The following FRMPD1 variants were observed in gnomAD, a reference collection of about 807,000 sequenced individuals.
FRMPD1 encodes FERM and PDZ domain-containing protein 1.
A neutral mutation model predicts 117.8 loss-of-function variants in FRMPD1; 76 were observed. That is an observed-to-expected ratio of 0.65 (90% CI 0.54 to 0.78). The LOEUF (loss-of-function observed/expected upper bound fraction) is 0.78, where lower values mean the gene tolerates loss of function less well. Among genes scored for constraint, FRMPD1 ranks in the 30% least tolerant of loss-of-function variants. The pLI, the probability that FRMPD1 is intolerant of heterozygous loss-of-function variation, is 0.00. For synonymous variants in FRMPD1, 783 were observed against 770.4 expected (o/e 1.02, Z -0.27); for missense variants, 1,786 against 1,964.5 (o/e 0.91, Z 1.72).
At chr9:37,711,516 G>T (rs1190850196) in intron 5 of FRMPD1, 121 bp downstream of exon 5, 2 of 765,310 alleles carry the variant, frequency 2.6e-6, no homozygotes, top group East Asian at 2.5e-5. Flanking sequence ...GGTGACAGCT[G>T]CCCGGCAGTG....
At chr9:37,657,379 C>T (rs533774282) in intron 1 of FRMPD1, among the ~76,000 whole-genome samples, 12 of 152,294 alleles carry the variant, frequency 7.9e-5, no homozygotes, top group African/African-American at 2.6e-4. Context: ...AAAGGAAAAA[C>T]AATTATTAAA....
At chr9:37,616,085 G>A in the FRMPD1 span, among the ~76,000 whole-genome samples, 8 of 147,566 alleles carry the variant, frequency 5.4e-5, no homozygotes, top group Middle Eastern at 3.8e-3. Context: ...CCAAAGTGCT[G>A]GGATTACAGG....
intron 5 of FRMPD1, among the ~76,000 whole-genome samples, chr9:37,717,512 T>C (rs1823200981): frequency 6.6e-6 from 1 of 151,690 alleles, no homozygotes; most frequent in Admixed American, 6.6e-5. Context: ...CCCGAGTAGC[T>C]AGGACTAAAG....
At position 37,733,469 on chromosome 9, in the gene FRMPD1, GCAGGAAA is replaced by G; in HGVS notation, c.996-3_999del. The G allele has an allele frequency of 1.2e-6, 2 of 1,612,644 alleles. No homozygotes were observed. Among genetic ancestry groups the G allele is most frequent in the Non-Finnish European group, 1.7e-6 (2 of 1,179,466 alleles). On this transcript the variant is annotated splice_acceptor_variant and splice_polypyrimidine_tract_variant and coding_sequence_variant and intron_variant, in exon 11 of 16. Transcript: ENST00000377765. LOFTEE classifies it high-confidence loss of function. The stretch of plus-strand genomic sequence containing the variant: ...GCCTCCTTGTCTCCAATGTCTCATG[GCAGGAAA>G]GACTGGGGAATAGAGAACTTTATAT...
chr9:37,618,305 G>A, the FRMPD1 span, among the ~76,000 whole-genome samples: 13 of 152,254 alleles, frequency 8.5e-5, no homozygotes, highest in South Asian at 2.3e-3. Flanking sequence ...ATGAAACAGG[G>A]GGGAACAGTG....
chr9:37,729,717 GT>G lies in FRMPD1; in HGVS notation c.613-10del. 1 of 1,613,422 alleles carries G rather than the reference GT, an allele frequency of 6.2e-7. No individual in the cohort carries two copies. The highest frequency in any genetic ancestry group is 8.5e-7 in the Non-Finnish European group (1 of 1,179,714). On this transcript the variant is annotated splice_polypyrimidine_tract_variant and intron_variant, in intron 7 of 15. Transcript: ENST00000377765. ...TCTTGCGTAACTCCTGCACCTCTCT[GT>G]GCCTGCTAGGACATCATCCTCACCG...
intron 7 of FRMPD1, 119 bp from the exon 8 acceptor site, chr9:37,729,609 C>A: frequency 2.0e-6 from 2 of 1,016,732 alleles, no homozygotes; most frequent in South Asian, 1.5e-5. Flanking sequence ...TGGCGTAAGT[C>A]AGCAGTGGGC....
chr9:37,701,510 C>CGTGTGTGTGTGTGTGTGTGT (rs58458625), intron 2 of FRMPD1, among the ~76,000 whole-genome samples: 4 of 146,802 alleles, frequency 2.7e-5, no homozygotes, highest in African/African-American at 1.0e-4. Flanking sequence ...TGTGCATGTA[C>CGTGTGTGTGTGTGTGTGTGT]GTGTGTGTGT....
rs190118331 is a variant in FRMPD1, at chr9:37,688,271, T to G, written c.-4-4367T>G. ...ATTTAAGCCAATAATTGAATGCTAC[T>G]TTCAATCCCATTAACAAATATTTTA... On this transcript the variant is annotated intron_variant, in intron 1 of 15. Transcript: ENST00000377765. Among the ~76,000 whole-genome samples, 342 of 151,360 alleles carry G rather than the reference T, an allele frequency of 2.3e-3. 1 individual carries two copies. The highest frequency in any genetic ancestry group is 4.0e-3 in the Non-Finnish European group (271 of 67,726).
the FRMPD1 span, among the ~76,000 whole-genome samples, chr9:37,632,879 C>A: frequency 6.7e-6 from 1 of 149,446 alleles, no homozygotes; most frequent in Non-Finnish European, 1.5e-5. Context: ...TAAAAAAATC[C>A]CCACAAATTT....
In FRMPD1 at chr9:37,695,350, T is replaced by C. The variant is rs61251629; in HGVS notation, c.101+2608T>C. 6.6e-3 allele frequency among the ~76,000 whole-genome samples: 1,012 copies of C among 152,284 alleles called. 13 individuals carry two copies. The highest frequency in any genetic ancestry group is 0.023 in the African/African-American group (968 of 41,548). On this transcript the variant is annotated intron_variant, in intron 2 of 15. Transcript: ENST00000377765. ...ATCTCTTTTATTGTAGCCATCCTAG[T>C]GGGTGTGGAATGTTGTCTCATTGTG... is the stretch of plus-strand genomic sequence containing the variant.
the FRMPD1 span, among the ~76,000 whole-genome samples, chr9:37,620,167 A>G: frequency 1.4e-3 from 209 of 152,342 alleles, 2 homozygotes; most frequent in African/African-American, 4.8e-3. Flanking sequence ...CCAGATGAGG[A>G]CAGAATTCCA....
chr9:37,737,178 C>G lies in FRMPD1; in HGVS notation c.1484C>G (p.Pro495Arg). The G allele has an allele frequency of 6.2e-7, 1 of 1,614,048 alleles. No homozygotes were observed. Among genetic ancestry groups the G allele is most frequent in the Admixed American group, 1.7e-5 (1 of 60,022 alleles). The change falls in exon 14 of 16, where the codon CCA becomes CGA. Residue 495 changes from proline (P) to arginine (R), a missense_variant. Physicochemically the swap from Pro to Arg is moderately radical, Grantham distance 103. Transcript: ENST00000377765. ...IAGYYRLLVD[P>R]VTSIFLWPGN... is the part of the protein sequence containing the mutation. ...GGGTACTACAGGCTGTTGGTTGACC[C>G]AGTTACCTCCATTTTCCTCTGGCCT...
intron 1 of FRMPD1, among the ~76,000 whole-genome samples, chr9:37,652,395 A>C (rs1820702583): frequency 6.6e-6 from 1 of 152,220 alleles, no homozygotes; most frequent in African/African-American, 2.4e-5. Context: ...ATATGCTAGA[A>C]AGTGAAATTT....
chr9:37,725,813 C>T (rs1423174521), intron 7 of FRMPD1, among the ~76,000 whole-genome samples: 1 of 152,236 alleles, frequency 6.6e-6, no homozygotes, highest in East Asian at 1.9e-4. Flanking sequence ...TCAAGATCAG[C>T]TAGCTCATAA....
the FRMPD1 span, among the ~76,000 whole-genome samples, chr9:37,629,968 A>G: frequency 1.4e-4 from 22 of 152,040 alleles, no homozygotes; most frequent in Non-Finnish European, 2.5e-4. Context: ...TCTGGTGAGG[A>G]CCTTTTTCTG....
intron 1 of FRMPD1, among the ~76,000 whole-genome samples, chr9:37,676,804 G>A (rs879890986): frequency 2.6e-5 from 4 of 152,178 alleles, no homozygotes; most frequent in Admixed American, 2.6e-4. Flanking sequence ...GTTGGCAGGA[G>A]CTCTTCCTAG....
At chr9:37,621,149 T>A in the FRMPD1 span, among the ~76,000 whole-genome samples, 2 of 152,136 alleles carry the variant, frequency 1.3e-5, no homozygotes, top group Non-Finnish European at 2.9e-5. Context: ...AGGCAAAGAA[T>A]GAGTAACTGA....
chr9:37,682,797 G>C (rs1365186516), intron 1 of FRMPD1, among the ~76,000 whole-genome samples: 1 of 152,176 alleles, frequency 6.6e-6, no homozygotes, highest in African/African-American at 2.4e-5. Flanking sequence ...CAGAGTTGGG[G>C]TTATTACTTA....
Sources: gnomAD v4.1 joint callset for allele counts (sites outside exome capture counted in the v4.1 genomes callset) on GRCh38, gnomAD v4.1.1 for gene constraint, MANE v1.5 for transcripts, NCBI Gene and HGNC (gene_info 2026-07-23, HGNC 2026-07-21) for gene names.